The following DCAF6 variants were observed in gnomAD, a reference collection of about 807,000 sequenced individuals.
The protein encoded by DCAF6 is DDB1- and CUL4-associated factor 6.
Under a neutral mutation model 125.1 loss-of-function variants are expected in DCAF6, and 54 were observed. The ratio of observed to expected loss-of-function variants is 0.43; its 90% CI spans 0.35 to 0.54. The LOEUF is 0.54. Among genes scored for constraint, DCAF6 ranks in the 20% least tolerant of loss-of-function variants. DCAF6 has a pLI of 0.01. For synonymous variants in DCAF6, 371 were observed against 390.4 expected, an observed-to-expected ratio of 0.95 and a Z score of 0.58; for missense variants, 934 against 1,161.7, an observed-to-expected ratio of 0.80 and a Z score of 2.85.
At chr1:168,000,962 A>T (rs1193248929) in intron 7 of DCAF6, among the ~76,000 whole-genome samples, 4 of 152,184 alleles carry the variant, frequency 2.6e-5, no homozygotes, top group Admixed American at 6.5e-5. Context: ...TGTATAATTT[A>T]AAATTATGAA....
intron 12 of DCAF6, among the ~76,000 whole-genome samples, chr1:168,026,024 C>A (rs992247070): frequency 6.6e-6 from 1 of 152,148 alleles, no homozygotes; most frequent in Admixed American, 6.5e-5. Context: ...GTTCCCTCTA[C>A]CAAAACTACT....
intron 4 of DCAF6, among the ~76,000 whole-genome samples, chr1:167,983,429 T>C (rs536146058): frequency 6.6e-6 from 1 of 152,282 alleles, no homozygotes; most frequent in South Asian, 2.1e-4. Flanking sequence ...CTTGGTTAGC[T>C]TAGTTGTCAG....
chr1:167,929,002 C>G, the DCAF6 span, among the ~76,000 whole-genome samples: 1 of 152,170 alleles, frequency 6.6e-6, no homozygotes, highest in Non-Finnish European at 1.5e-5. Flanking sequence ...AACAGTACTA[C>G]TGGATGTTGA....
At chr1:167,984,954 G>A (rs1679733509) in intron 4 of DCAF6, among the ~76,000 whole-genome samples, 1 of 152,162 alleles carries the variant, frequency 6.6e-6, no homozygotes, top group Non-Finnish European at 1.5e-5. Flanking sequence ...CAATCATGGT[G>A]GAAGGTGAAA....
intron 10 of DCAF6, among the ~76,000 whole-genome samples, chr1:168,007,117 A>C (rs1285120551): frequency 2.6e-5 from 4 of 152,200 alleles, no homozygotes; most frequent in Non-Finnish European, 5.9e-5. Flanking sequence ...ATTCACAATG[A>C]AAAGTACTCG....
At position 168,068,451 on chromosome 1, in the gene DCAF6, C is replaced by A; in HGVS notation, c.2779C>A (p.His927Asn). The change falls in exon 21 of 22, where the codon CAT (histidine) becomes AAT (asparagine). Residue 927 changes from histidine (H) to asparagine (N), a missense_variant. By Grantham distance (68) the His-to-Asn change is moderately conservative. This residue lies in a region of DCAF6 where 36 missense variants were observed against 39.8 expected (regional missense o/e 0.91). Transcript: ENST00000367840. ...GTTGAGGATGTTGGCTTCACTTAAT[C>A]ATATCCGAGCTGGTAGGAACTTTAA... is the stretch of plus-strand genomic sequence containing the variant. ...FMLRMLASLNHIRADRLEGDR... is the reference protein window; with the variant it reads ...FMLRMLASLNNIRADRLEGDR... 1 of 1,510,842 alleles carries A rather than the reference C, an allele frequency of 6.6e-7. No homozygotes were observed. Among genetic ancestry groups the A allele is most frequent in the Non-Finnish European group, 8.9e-7 (1 of 1,125,494 alleles). The allele number at this position is 1,510,842 out of a possible 1,614,324, so 93.6% of individuals were successfully genotyped here. A position where few individuals can be genotyped will look rare whatever the true frequency, so the allele number is the denominator to read the frequency against.
At position 167,993,305 on chromosome 1, in the gene DCAF6, G is replaced by A; in HGVS notation, c.768G>A (p.Val256=). ...PSHLNNKSCR[V]TSLCYSEDGQ... ...ATCTTAATAATAAGTCCTGCAGAGT[G>A]ACATCTCTGTGTTACAGTGAAGATG... The change falls in exon 7 of 22, where the codon GTG becomes GTA. Residue 256 remains valine, a synonymous_variant. Coordinates refer to ENST00000367840, the MANE Select transcript of DCAF6 (RefSeq NM_001198956.2). The A allele has an allele frequency of 3.1e-6, 5 of 1,613,872 alleles. No homozygotes were observed. Among genetic ancestry groups the A allele is most frequent in the Non-Finnish European group, 2.5e-6 (3 of 1,179,826 alleles).
At chr1:168,069,235 C>T (rs1692738910) in intron 21 of DCAF6, among the ~76,000 whole-genome samples, 1 of 152,204 alleles carries the variant, frequency 6.6e-6, no homozygotes, top group African/African-American at 2.4e-5. Context: ...TTGAAATTAG[C>T]TTCCAAGCCC....
rs1471424067 is a variant in DCAF6, at chr1:168,065,640, C to A, written c.2490C>A (p.Asp830Glu). 1 of 1,612,838 alleles carries A rather than the reference C, an allele frequency of 6.2e-7. No homozygotes were observed. The highest frequency in any genetic ancestry group is 1.3e-5 in the African/African-American group (1 of 74,866). ...CTAACTTTGTAATGAGTGGTTCTGA[C>A]TGTGGCCACATTTTCATCTGGGATC... is the stretch of plus-strand genomic sequence containing the variant. Reference protein sequence around the residue: ...WGANFVMSGSDCGHIFIWDRH... With the variant: ...WGANFVMSGSECGHIFIWDRH... Residue 830 changes from aspartate to glutamate, a missense_variant, in exon 19 of 22, where the codon GAC (aspartate) becomes GAA (glutamate). Transcript: ENST00000367840.
chr1:168,047,237 C>A (rs1335893559), intron 16 of DCAF6, among the ~76,000 whole-genome samples: 1 of 151,960 alleles, frequency 6.6e-6, no homozygotes, highest in African/African-American at 2.4e-5. Flanking sequence ...TTTAGGGATT[C>A]TTTTAGCATT....
chr1:168,041,371 T>A (rs559298459), intron 13 of DCAF6, among the ~76,000 whole-genome samples: 32 of 152,076 alleles, frequency 2.1e-4, no homozygotes, highest in Admixed American at 5.9e-4. Context: ...TTTCCCAATT[T>A]GGTGTTTGTT....
intron 1 of DCAF6, among the ~76,000 whole-genome samples, chr1:167,942,453 G>A (rs1054099994): frequency 6.6e-6 from 1 of 152,018 alleles, no homozygotes; most frequent in African/African-American, 2.4e-5. Flanking sequence ...TAAATGTTCA[G>A]GTTTACCTTT....
chr1:168,002,487 A>G lies in DCAF6; in HGVS notation c.909A>G (p.Arg303=), dbSNP rs1229715113. The change falls in exon 8 of 22, where the codon CGA becomes CGG. Residue 303 remains arginine (R), a synonymous_variant. Transcript: ENST00000367840. ...TACCCGTTCTTATTTTTTAGTTGCG[A>G]CAACCACCAGTTAAGCGTTTGAGAC... ...PSAEERREEL[R]QPPVKRLRLR... The G allele has an allele frequency of 1.2e-6, 2 of 1,612,692 alleles. No homozygotes were observed. The highest frequency in any genetic ancestry group is 4.5e-5 in the East Asian group (2 of 44,856).
chr1:168,042,968 T>C, intron 13 of DCAF6, 57 bp from the exon 14 acceptor site: 1 of 1,300,212 alleles, frequency 7.7e-7, no homozygotes, highest in African/African-American at 1.5e-5. Flanking sequence ...ATAAAAATCC[T>C]AAAAGATCAT....
At chr1:168,073,050 C>T (rs1370111895) in intron 21 of DCAF6, among the ~76,000 whole-genome samples, 1 of 152,168 alleles carries the variant, frequency 6.6e-6, no homozygotes, top group African/African-American at 2.4e-5. Flanking sequence ...GTGGCACGCT[C>T]CTGTAGTCCC....
At chr1:167,905,258 C>A in the DCAF6 span, 1 of 1,253,496 alleles carries the variant, frequency 8.0e-7, no homozygotes. Flanking sequence ...TTTCCTATTG[C>A]TCTTTCTCCA....
chr1:168,018,680 C>A (rs1027137767), intron 11 of DCAF6, among the ~76,000 whole-genome samples: 7 of 152,124 alleles, frequency 4.6e-5, no homozygotes, highest in East Asian at 1.9e-4. Context: ...AAAAGTATAT[C>A]TTTTCTAGGA....
the DCAF6 span, among the ~76,000 whole-genome samples, chr1:167,909,078 T>C: frequency 6.6e-5 from 10 of 152,170 alleles, no homozygotes; most frequent in Admixed American, 1.3e-4. Context: ...TACCCTTCTC[T>C]TTTCCCTGAA....
At chr1:167,911,560 G>A in the DCAF6 span, among the ~76,000 whole-genome samples, 6 of 152,222 alleles carry the variant, frequency 3.9e-5, no homozygotes, top group Admixed American at 3.3e-4. Context: ...GTTGCTAGCC[G>A]ATCGGGACAA....
Sources: gnomAD v4.1 joint callset for allele counts (sites outside exome capture counted in the v4.1 genomes callset) on GRCh38, gnomAD v4.1.1 for gene constraint, gnomAD v4.1.1 regional missense constraint, MANE v1.5 for transcripts, NCBI Gene and HGNC (gene_info 2026-07-23, HGNC 2026-07-21) for gene names.